Variants in ANO4 observed in about 807,000 individuals in gnomAD.
The protein encoded by ANO4 is anoctamin-4.
Under a neutral mutation model 141.9 loss-of-function variants are expected in ANO4, and 69 were observed. The observed-to-expected ratio is 0.49, with a 90% CI of 0.40 to 0.59. The LOEUF is 0.59. Ranked by LOEUF, ANO4 falls within the 20% of genes least tolerant of loss-of-function variation. ANO4 has a pLI of 0.00. For missense variants in ANO4, 894 were observed against 1,162.2 expected, an observed-to-expected ratio of 0.77 and a Z score of 3.36; for synonymous variants, 350 against 394.3, an observed-to-expected ratio of 0.89 and a Z score of 1.33.
chr12:100,907,478 G>T (rs2040898687), intron 2 of ANO4, among the ~76,000 whole-genome samples: 1 of 152,160 alleles, frequency 6.6e-6, no homozygotes, highest in Admixed American at 6.5e-5. Flanking sequence ...CCTTATCAAA[G>T]TCCATCTGTT....
Position 101,017,118 on chromosome 12 carries a change from G to T in ANO4, c.735-2916G>T, listed in dbSNP as rs551721062. On this transcript the variant is annotated intron_variant, in intron 8 of 27. Coordinates refer to ENST00000392977, the MANE Select transcript of ANO4 (RefSeq NM_001286615.2). Reference sequence around the variant, plus strand: ...GCTAATAAAGACACACCCAAGACTGGGTAATTTATAAAGGAAAGGAGGTTT... The same window carrying T: ...GCTAATAAAGACACACCCAAGACTGTGTAATTTATAAAGGAAAGGAGGTTT... Among the ~76,000 whole-genome samples the T allele has an allele frequency of 3.9e-5, 6 of 152,242 alleles. 1 individual carries two copies. The highest frequency in any genetic ancestry group is 1.4e-4 in the African/African-American group (6 of 41,538).
intron 7 of ANO4, among the ~76,000 whole-genome samples, chr12:100,985,758 A>G (rs1267849656): frequency 6.6e-6 from 1 of 152,188 alleles, no homozygotes; most frequent in Non-Finnish European, 1.5e-5. Flanking sequence ...CAGAGTTGGG[A>G]TCATGGTGAG....
At chr12:100,907,445 C>A (rs1009338532) in intron 2 of ANO4, among the ~76,000 whole-genome samples, 2 of 152,180 alleles carry the variant, frequency 1.3e-5, no homozygotes, top group African/African-American at 4.8e-5. Context: ...CCTACTTCCC[C>A]GTGCTTCCAC....
chr12:100,958,464 G>GCC (rs1284594412), intron 5 of ANO4, among the ~76,000 whole-genome samples: 1 of 152,196 alleles, frequency 6.6e-6, no homozygotes, highest in Non-Finnish European at 1.5e-5. Context: ...AAATCAGAGA[G>GCC]CCCCTACCCT....
chr12:100,754,390 C>T (rs2032519182), intron 3 of ANO4, among the ~76,000 whole-genome samples: 1 of 152,108 alleles, frequency 6.6e-6, no homozygotes. Flanking sequence ...GGCTGGCCTT[C>T]CTATCTTCAC....
chr12:100,908,164 A>G (rs1593716982), intron 2 of ANO4, among the ~76,000 whole-genome samples: 1 of 152,270 alleles, frequency 6.6e-6, no homozygotes, highest in Non-Finnish European at 1.5e-5. Context: ...GTTCAAGACC[A>G]GGTGGAGAAA....
intron 5 of ANO4, among the ~76,000 whole-genome samples, chr12:100,962,014 G>A (rs904403100): frequency 2.0e-5 from 3 of 152,166 alleles, no homozygotes; most frequent in African/African-American, 7.2e-5. Flanking sequence ...TTGCATCAGG[G>A]GATTCACTTT....
rs1297616590 is a variant in ANO4, at chr12:101,066,708, G to A, written c.1313-12485G>A. ...CTCCTGGAGCACAGCAAGGTCAGGT[G>A]GCACCTGCTTGAGTCCTGCGTTGCC... On this transcript the variant is annotated intron_variant, in intron 14 of 27. Coordinates refer to ENST00000392977, the MANE Select transcript of ANO4 (RefSeq NM_001286615.2). 2.2e-5 allele frequency: 16 copies of A among 729,076 alleles called. No individual in the cohort carries two copies. The East Asian group carries it at 3.8e-4, about 17-fold the overall frequency. 45.2% of individuals were successfully genotyped at this position (729,076 alleles called of 1,614,324 possible).
Position 101,065,085 on chromosome 12 carries a change from CTTTG to C in ANO4, c.1313-14104_1313-14101del, listed in dbSNP as rs535819726. ...TATGCCAAAGAGAAGCTGTAAAGTG[CTTTG>C]TTTAAGTGAAAAGGTGAAAGTTCTC... On this transcript the variant is annotated intron_variant, in intron 14 of 27. Transcript: ENST00000392977. Among the ~76,000 whole-genome samples, 22 of 152,150 alleles carry C rather than the reference CTTTG, an allele frequency of 1.4e-4. No individual in the cohort carries two copies. The South Asian group carries it at 4.6e-3, about 32-fold the overall frequency.
chr12:100,920,340 C>T (rs184958991), intron 2 of ANO4, among the ~76,000 whole-genome samples: 2 of 152,204 alleles, frequency 1.3e-5, no homozygotes, highest in East Asian at 3.9e-4. Context: ...CATTGCATCG[C>T]ACCTTCTTTT....
intron 3 of ANO4, among the ~76,000 whole-genome samples, chr12:100,757,315 C>G (rs1327278392): frequency 6.6e-6 from 1 of 152,196 alleles, no homozygotes; most frequent in Non-Finnish European, 1.5e-5. Flanking sequence ...CTCTCATTTT[C>G]CATATGGCTG....
At chr12:100,897,103 C>T (rs550438833) in intron 1 of ANO4, among the ~76,000 whole-genome samples, 1 of 152,364 alleles carries the variant, frequency 6.6e-6, no homozygotes, top group South Asian at 2.1e-4. Context: ...GTACTAACCT[C>T]ACCTTATCCC....
upstream of ANO4, among the ~76,000 whole-genome samples, chr12:100,791,414 AAAC>A (rs968532087): frequency 2.6e-5 from 4 of 152,138 alleles, no homozygotes; most frequent in Non-Finnish European, 5.9e-5. Flanking sequence ...TGTCTCCAAA[AAAC>A]AACAACAACA....
intron 13 of ANO4, among the ~76,000 whole-genome samples, chr12:101,047,534 A>G (rs1451561675): frequency 6.6e-6 from 1 of 152,164 alleles, no homozygotes; most frequent in Non-Finnish European, 1.5e-5. Flanking sequence ...TGCATTCTCG[A>G]AGGAACAATA....
At chr12:100,925,816 C>CATA (rs1566018056) in intron 3 of ANO4, among the ~76,000 whole-genome samples, 1 of 145,556 alleles carries the variant, frequency 6.9e-6, no homozygotes, top group Non-Finnish European at 1.5e-5. Flanking sequence ...CATACATATA[C>CATA]ATACATACAT....
chr12:100,823,240 A>G (rs2036150929), intron 1 of ANO4, among the ~76,000 whole-genome samples: 1 of 151,920 alleles, frequency 6.6e-6, no homozygotes, highest in African/African-American at 2.4e-5. Context: ...TTTTTTTTAT[A>G]GTTTAAAATT....
chr12:100,785,235 A>G (rs988303930), intron 3 of ANO4, among the ~76,000 whole-genome samples: 1 of 152,162 alleles, frequency 6.6e-6, no homozygotes, highest in African/African-American at 2.4e-5. Context: ...ATGAACTTAC[A>G]TGGACACATT....
rs551392090 is a variant in ANO4 at position 100,839,982 on chromosome 12, A to G, written c.-141+44955A>G. Among the ~76,000 whole-genome samples, 166 of 152,216 alleles carry G rather than the reference A, an allele frequency of 1.1e-3. 1 individual carries two copies. The highest frequency in any genetic ancestry group is 3.8e-3 in the African/African-American group (158 of 41,550). On this transcript the variant is annotated intron_variant, in intron 1 of 27. Transcript: ENST00000392977. ...ATTATTTGACTGCATCAGCTAGTGCATCGTACTTCTGGTTATTTTGAATTT... is the reference window on the plus strand; with the variant it reads ...ATTATTTGACTGCATCAGCTAGTGCGTCGTACTTCTGGTTATTTTGAATTT...
chr12:100,732,087 T>C (rs770805232), intron 1 of ANO4, among the ~76,000 whole-genome samples: 12 of 152,240 alleles, frequency 7.9e-5, no homozygotes, highest in Admixed American at 1.3e-4. Flanking sequence ...TTCAGCTTCT[T>C]TCAGTAAATA....
Sources: gnomAD v4.1 joint callset for allele counts (sites outside exome capture counted in the v4.1 genomes callset) on GRCh38, gnomAD v4.1.1 for gene constraint, MANE v1.5 for transcripts, NCBI Gene and HGNC (gene_info 2026-07-23, HGNC 2026-07-21) for gene names.